BLTP3A: variants seen among roughly 807,000 people sequenced by gnomAD.
BLTP3A encodes bridge-like lipid transfer protein family member 3A.
the BLTP3A span, among the ~76,000 whole-genome samples, chr6:34,818,502 AG>A: frequency 6.6e-6 from 1 of 151,996 alleles, no homozygotes; most frequent in Non-Finnish European, 1.5e-5. Context: ...GACTCAATGG[AG>A]GAATAGCATT....
chr6:34,867,440 A>G, the BLTP3A span: 1 of 1,613,616 alleles, frequency 6.2e-7, no homozygotes, highest in Non-Finnish European at 8.5e-7. Context: ...CTTGGGACTT[A>G]AAACTAAGAG....
chr6:34,800,152 A>T, the BLTP3A span, among the ~76,000 whole-genome samples: 1 of 152,218 alleles, frequency 6.6e-6, no homozygotes, highest in Non-Finnish European at 1.5e-5. Flanking sequence ...TGAAATTTGT[A>T]TCTTGGGTTA....
chr6:34,800,125 A>G, the BLTP3A span, among the ~76,000 whole-genome samples: 1 of 152,130 alleles, frequency 6.6e-6, no homozygotes, highest in South Asian at 2.1e-4. Context: ...CTTTGACCTC[A>G]GCATAGCTGA....
the BLTP3A span, among the ~76,000 whole-genome samples, chr6:34,851,142 G>A: frequency 6.6e-6 from 1 of 151,886 alleles, no homozygotes; most frequent in East Asian, 1.9e-4. Flanking sequence ...TTGGTCACTG[G>A]GGCCTTATTT....
chr6:34,796,596 G>A, the BLTP3A span, among the ~76,000 whole-genome samples: 2 of 152,146 alleles, frequency 1.3e-5, no homozygotes, highest in Non-Finnish European at 2.9e-5. Flanking sequence ...CTTGTTTTAC[G>A]TGACCTAAGC....
At chr6:34,804,920 A>G in the BLTP3A span, among the ~76,000 whole-genome samples, 26 of 152,274 alleles carry the variant, frequency 1.7e-4, no homozygotes, top group Non-Finnish European at 2.2e-4. Flanking sequence ...TGACCTTTCT[A>G]TGCCTCAGTT....
At chr6:34,828,374 C>T in the BLTP3A span, among the ~76,000 whole-genome samples, 1 of 151,030 alleles carries the variant, frequency 6.6e-6, no homozygotes, top group African/African-American at 2.4e-5. Flanking sequence ...TTGCTTGAAC[C>T]CAGGAGATGG....
chr6:34,834,137 AATAAT>A, the BLTP3A span: 1 of 1,407,222 alleles, frequency 7.1e-7, no homozygotes, highest in Non-Finnish European at 9.7e-7. Context: ...ATCATTATAA[AATAAT>A]TTAAACATCT....
chr6:34,870,739 A>T, the BLTP3A span: 89 of 1,351,264 alleles, frequency 6.6e-5, no homozygotes, highest in Non-Finnish European at 8.8e-5. Flanking sequence ...TCGTTCAGTC[A>T]GATGAGAATG....
the BLTP3A span, chr6:34,823,221 G>A: frequency 3.2e-6 from 5 of 1,546,272 alleles, no homozygotes; most frequent in Non-Finnish European, 4.5e-6. Context: ...GTGTGTATTT[G>A]TGTAAATGCT....
chr6:34,798,594 C>CTTTTTTTTTTTTTTT, the BLTP3A span, among the ~76,000 whole-genome samples: 42 of 94,482 alleles, frequency 4.4e-4, 1 homozygote, highest in Middle Eastern at 7.1e-3. Flanking sequence ...TTCTTTCTTT[C>CTTTTTTTTTTTTTTT]TTTTTTTTTT....
At chr6:34,822,250 G>T in the BLTP3A span, among the ~76,000 whole-genome samples, 2 of 148,104 alleles carry the variant, frequency 1.4e-5, no homozygotes, top group African/African-American at 5.1e-5. Context: ...ATCTTCCCTT[G>T]AAATTTTTTT....
At chr6:34,851,993 C>G in the BLTP3A span, among the ~76,000 whole-genome samples, 1 of 152,184 alleles carries the variant, frequency 6.6e-6, no homozygotes, top group Non-Finnish European at 1.5e-5. Flanking sequence ...TGAATGCTCT[C>G]AGGTCTGGGT....
the BLTP3A span, among the ~76,000 whole-genome samples, chr6:34,829,611 G>A: frequency 6.6e-6 from 1 of 151,840 alleles, no homozygotes; most frequent in Admixed American, 6.6e-5. Context: ...CCATTCTGTT[G>A]TAGATGCTTC....
chr6:34,864,134 C>T, the BLTP3A span: 5 of 1,614,042 alleles, frequency 3.1e-6, no homozygotes, highest in Non-Finnish European at 4.2e-6. Flanking sequence ...ATAGCAGTGG[C>T]CCTGAAGACC....
the BLTP3A span, among the ~76,000 whole-genome samples, chr6:34,845,385 G>T: frequency 6.6e-6 from 1 of 152,038 alleles, no homozygotes; most frequent in Admixed American, 6.6e-5. Context: ...TACATTTTAG[G>T]ATTACTTTTC....
chr6:34,816,740 C>T, the BLTP3A span, among the ~76,000 whole-genome samples: 116 of 152,332 alleles, frequency 7.6e-4, no homozygotes, highest in Non-Finnish European at 1.3e-3. Flanking sequence ...CAGTGGCTCA[C>T]TTCTACAAGA....
the BLTP3A span, chr6:34,871,516 G>A: frequency 8.8e-6 from 13 of 1,473,336 alleles, no homozygotes; most frequent in Non-Finnish European, 1.2e-5. Context: ...TGAATGATGG[G>A]AGCATGGGTT....
chr6:34,867,664 C>T, the BLTP3A span: 9 of 1,580,474 alleles, frequency 5.7e-6, no homozygotes, highest in South Asian at 9.4e-5. Flanking sequence ...TTGTCTAGGA[C>T]AGCCATAGAT....
Sources: gnomAD v4.1 joint callset for allele counts (sites outside exome capture counted in the v4.1 genomes callset) on GRCh38, gnomAD v4.1.1 for gene constraint, MANE v1.5 for transcripts, NCBI Gene and HGNC (gene_info 2026-07-23, HGNC 2026-07-21) for gene names.